WT1: variants seen among roughly 807,000 people sequenced by gnomAD.
WT1 encodes the protein Wilms tumor protein.
WT1 carries 8 observed loss-of-function variants against 60.8 expected under a neutral mutation model. The ratio of observed to expected loss-of-function variants is 0.13; its 90% CI spans 0.08 to 0.24. The LOEUF is 0.24. WT1 is among the 10% of genes least tolerant of loss of function. WT1 has a pLI of 1.00. For missense variants in WT1, 568 were observed against 711.8 expected (o/e 0.80, Z 2.30); for synonymous variants, 312 against 297.1 (o/e 1.05, Z -0.52).
Position 32,428,704 on chromosome 11 carries a change from G to GT in WT1, c.662-86_662-85insA, listed in dbSNP as rs201252389. 4.2e-3 allele frequency: 6,454 copies of GT among 1,552,742 alleles called. 31 individuals are homozygous for GT. The highest frequency in any genetic ancestry group is 0.015 in the Middle Eastern group (70 of 4,778). On this transcript the variant is annotated intron_variant, in intron 1 of 9. Transcript: ENST00000452863. Reference sequence around the variant, plus strand: ...GGTCTGAACCAGCCACGGGCGGGGGGGGTGTGCGCTGAACCCCGCATTCGG... The same window carrying GT: ...GGTCTGAACCAGCCACGGGCGGGGGGTGGTGTGCGCTGAACCCCGCATTCGG...
At chr11:32,407,368 T>C (rs1167925921) in intron 5 of WT1, among the ~76,000 whole-genome samples, 1 of 152,004 alleles carries the variant, frequency 6.6e-6, no homozygotes, top group Non-Finnish European at 1.5e-5. Flanking sequence ...GTTTTACAGA[T>C]GAGGAAAACC....
rs768792358 is a variant in WT1 at position 32,428,632 on chromosome 11, C to T, written c.662-13G>A. 1 of 1,610,906 alleles carries T rather than the reference C, an allele frequency of 6.2e-7. No homozygotes were observed. Among genetic ancestry groups the T allele is most frequent in the Non-Finnish European group, 8.5e-7 (1 of 1,179,782 alleles). On this transcript the variant is annotated splice_polypyrimidine_tract_variant and intron_variant, in intron 1 of 9. Coordinates refer to ENST00000452863, the MANE Select transcript of WT1 (RefSeq NM_024426.6). ...ACCGTGCTGTAACCTGCGGGAGCGG[C>T]GGAGAGAAGCACAGTGTCAGCGGTG...
rs184232454 is a variant in WT1, at chr11:32,417,259, A to G, written c.965+318T>C. Among the ~76,000 whole-genome samples the G allele has an allele frequency of 6.1e-3, 936 of 152,328 alleles. 16 individuals are homozygous for G. The highest frequency in any genetic ancestry group is 5.5e-3 in the Non-Finnish European group (377 of 68,036). On this transcript the variant is annotated intron_variant, in intron 4 of 9. Transcript: ENST00000452863. ...TGATAAGATAGTGGAATGGTTAACA[A>G]CTGTGATATCATAGTAAAACACAAT...
intron 5 of WT1, among the ~76,000 whole-genome samples, chr11:32,412,244 G>A (rs1443314148): frequency 6.6e-6 from 1 of 152,098 alleles, no homozygotes; most frequent in African/African-American, 2.4e-5. Context: ...CTACCAAAAC[G>A]CACAGCTTTG....
chr11:32,434,379 C>T (rs551192531), intron 1 of WT1, among the ~76,000 whole-genome samples: 1 of 152,366 alleles, frequency 6.6e-6, no homozygotes, highest in African/African-American at 2.4e-5. Flanking sequence ...GACACTGCGC[C>T]GGTCTCCTGG....
In WT1 at chr11:32,396,291, C is replaced by T. The variant is rs1851967232; in HGVS notation, c.1230G>A (p.Leu410=). Residue 410 remains leucine (L), a synonymous_variant, in exon 7 of 10, where the codon CTG becomes CTA. Coordinates refer to ENST00000452863, the MANE Select transcript of WT1 (RefSeq NM_024426.6). ...TCCTGCTGTGCATCTGTAAGTGGGA[C>T]AGCTTAAAATATCTCTTATTGCAGC... is the stretch of plus-strand genomic sequence containing the variant. 6.2e-7 allele frequency: 1 copy of T among 1,614,204 alleles called. No individual in the cohort carries two copies. The highest frequency in any genetic ancestry group is 8.5e-7 in the Non-Finnish European group (1 of 1,180,046).
chr11:32,398,966 C>T (rs567751166), intron 6 of WT1, among the ~76,000 whole-genome samples: 31 of 150,464 alleles, frequency 2.1e-4, no homozygotes, highest in African/African-American at 7.5e-4. Context: ...ACCATCCTGG[C>T]TAACACTGTG....
Position 32,388,157 on chromosome 11 carries a change from A to G in WT1, c.*901T>C. The G allele has an allele frequency of 4.3e-6, 1 of 233,648 alleles. No individual in the cohort carries two copies. Among genetic ancestry groups the G allele is most frequent in the East Asian group, 6.0e-5 (1 of 16,604 alleles). The allele number at this position is 233,648 out of a possible 1,614,324, so 14.5% of individuals were successfully genotyped here. A position where few individuals can be genotyped will look rare whatever the true frequency, so the allele number is the denominator to read the frequency against. Reference sequence around the variant, plus strand: ...GTCTTATCAGTGGAGATCCTGGACCATCCCCTATTTTCTTTTAAAGTCACT... The same window carrying G: ...GTCTTATCAGTGGAGATCCTGGACCGTCCCCTATTTTCTTTTAAAGTCACT... On this transcript the variant is annotated 3_prime_UTR_variant, in exon 10 of 10. Coordinates refer to ENST00000452863, the MANE Select transcript of WT1 (RefSeq NM_024426.6).
At chr11:32,419,938 C>CTGATG (rs1852801384) in intron 3 of WT1, among the ~76,000 whole-genome samples, 3 of 152,190 alleles carry the variant, frequency 2.0e-5, no homozygotes, top group Non-Finnish European at 2.9e-5. Context: ...AGGTGATCCA[C>CTGATG]CCGCCTCAGC....
Position 32,430,733 on chromosome 11 carries a change from C to G in WT1, c.662-2114G>C, listed in dbSNP as rs1050642638. 7 of 1,355,776 alleles carry G rather than the reference C, an allele frequency of 5.2e-6. No homozygotes were observed. In the African/African-American group the frequency reaches 1.0e-4, roughly 20 times the overall value. The allele number at this position is 1,355,776 out of a possible 1,614,324, so 84.0% of individuals were successfully genotyped here. A position where few individuals can be genotyped will look rare whatever the true frequency, so the allele number is the denominator to read the frequency against. On this transcript the variant is annotated intron_variant, in intron 1 of 9. Transcript: ENST00000452863. ...AGCCCTCCTAGGCCTCCTCCCAGACCGGACACGCAGACCTCGGCGGGCAAA... is the reference window on the plus strand; with the variant it reads ...AGCCCTCCTAGGCCTCCTCCCAGACGGGACACGCAGACCTCGGCGGGCAAA...
chr11:32,417,791 C>A lies in WT1; in HGVS notation c.888-137G>T, dbSNP rs1370979027. 5.3e-6 allele frequency: 4 copies of A among 752,202 alleles called. No individual in the cohort carries two copies. In the African/African-American group the frequency reaches 6.9e-5, roughly 13 times the overall value. The allele number at this position is 752,202 out of a possible 1,614,324, so 46.6% of individuals were successfully genotyped here. A position where few individuals can be genotyped will look rare whatever the true frequency, so the allele number is the denominator to read the frequency against. ...TTCCAGAATGACAGAATATGCAAAT[C>A]TGAATTATTTTCATTTCATCCCACT... On this transcript the variant is annotated intron_variant, in intron 3 of 9. Transcript: ENST00000452863.
Position 32,435,331 on chromosome 11 carries a change from A to G in WT1, c.30T>C (p.Ala10=). 1 of 1,531,526 alleles carries G rather than the reference A, an allele frequency of 6.5e-7. No homozygotes were observed. Among genetic ancestry groups the G allele is most frequent in the Non-Finnish European group, 8.7e-7 (1 of 1,145,898 alleles). The allele number at this position is 1,531,526 out of a possible 1,614,324, so 94.9% of individuals were successfully genotyped here. The change falls in exon 1 of 10, where the codon GCT becomes GCC. Residue 10 remains alanine (A), a synonymous_variant. Transcript: ENST00000452863. ...ACGCCGGCTCCGGGACACACGTGGA[A>G]GCCGGGTCCTGCAGCAAGAGGAAGT... is the stretch of plus-strand genomic sequence containing the variant.
At chr11:32,430,165 C>G (rs1319443873) in intron 1 of WT1, among the ~76,000 whole-genome samples, 1 of 151,940 alleles carries the variant, frequency 6.6e-6, no homozygotes, top group African/African-American at 2.4e-5. Context: ...TGAGAAGCCA[C>G]TAGCTTTTAT....
chr11:32,414,117 T>C (rs1250931051), intron 5 of WT1, among the ~76,000 whole-genome samples: 1 of 152,242 alleles, frequency 6.6e-6, no homozygotes, highest in Non-Finnish European at 1.5e-5. Context: ...TGTTCTACAG[T>C]GTGAGAGAAG....
chr11:32,430,406 G>A, intron 1 of WT1: 1 of 1,218,808 alleles, frequency 8.2e-7, no homozygotes, highest in African/African-American at 1.6e-5. Flanking sequence ...ACACTAAAAA[G>A]AGAGAGAGAG....
intron 5 of WT1, among the ~76,000 whole-genome samples, chr11:32,409,615 C>G (rs1480006438): frequency 6.6e-6 from 1 of 151,948 alleles, no homozygotes; most frequent in Non-Finnish European, 1.5e-5. Context: ...TGCCAATATG[C>G]CCAGCTAATT....
In WT1 at chr11:32,388,306, T is replaced by A. The variant is rs1053728782; in HGVS notation, c.*752A>T. ...GTATGTACATCTATAAAGACACATA[T>A]GATTACCACTCAAAAGAGTCAAAAA... On this transcript the variant is annotated 3_prime_UTR_variant, in exon 10 of 10. Transcript: ENST00000452863. 4.3e-6 allele frequency: 1 copy of A among 233,702 alleles called. No homozygotes were observed. The highest frequency in any genetic ancestry group is 8.5e-6 in the Non-Finnish European group (1 of 118,210). The allele number at this position is 233,702 out of a possible 1,614,324, so 14.5% of individuals were successfully genotyped here.
rs1851875652 is a variant in WT1 at position 32,393,443 on chromosome 11, G to C, written c.1265-688C>G. On this transcript the variant is annotated intron_variant, in intron 7 of 9. Coordinates refer to ENST00000452863, the MANE Select transcript of WT1 (RefSeq NM_024426.6). ...CTAGAGAAAGTTCAGCCAAATACTGGGACCTGAGCCCCAAGAGAAGTGAGC... is the reference window on the plus strand; with the variant it reads ...CTAGAGAAAGTTCAGCCAAATACTGCGACCTGAGCCCCAAGAGAAGTGAGC... Among the ~76,000 whole-genome samples, 4 of 152,222 alleles carry C rather than the reference G, an allele frequency of 2.6e-5. No individual in the cohort carries two copies. In the South Asian group the frequency reaches 8.3e-4, roughly 32 times the overall value.
chr11:32,428,113 G>T, intron 2 of WT1, 55 bp from the exon 3 acceptor site: 1 of 1,481,588 alleles, frequency 6.7e-7, no homozygotes, highest in South Asian at 1.3e-5. Context: ...CTCGGGGTGC[G>T]AGGCTGCGGG....
Sources: allele counts gnomAD v4.1 joint callset (sites outside exome capture counted in the v4.1 genomes callset), GRCh38; gene constraint gnomAD v4.1.1; transcripts MANE v1.5; gene names NCBI Gene and HGNC (gene_info 2026-07-23, HGNC 2026-07-21).